The following FLVCR2 variants were observed in gnomAD, a reference collection of about 807,000 sequenced individuals.
FLVCR2 encodes the protein choline/ethanolamine transporter FLVCR2.
Under a neutral mutation model 48.9 loss-of-function variants are expected in FLVCR2, and 38 were observed. That is an observed-to-expected ratio of 0.78 (90% CI 0.60 to 1.02). The LOEUF is 1.02. FLVCR2 is among the 50% of genes least tolerant of loss of function. FLVCR2 has a pLI of 0.00. For missense variants in FLVCR2, 664 were observed against 663.3 expected (o/e 1.00, Z -0.01); for synonymous variants, 255 against 257.0 (o/e 0.99, Z 0.07).
At chr14:75,629,005 C>T (rs1406073585) in intron 3 of FLVCR2, among the ~76,000 whole-genome samples, 3 of 152,176 alleles carry the variant, frequency 2.0e-5, no homozygotes, top group Non-Finnish European at 2.9e-5. Flanking sequence ...AACTGTCCTG[C>T]AGCTGGTGGT....
chr14:75,606,380 G>A (rs1423059682), intron 1 of FLVCR2, among the ~76,000 whole-genome samples: 1 of 152,188 alleles, frequency 6.6e-6, no homozygotes, highest in Non-Finnish European at 1.5e-5. Context: ...TGGGCTAGTA[G>A]CTGCCTTTTG....
chr14:75,591,164 C>T (rs757603471), intron 1 of FLVCR2, among the ~76,000 whole-genome samples: 3 of 152,204 alleles, frequency 2.0e-5, no homozygotes, highest in Non-Finnish European at 4.4e-5. Flanking sequence ...CCACCTCAGC[C>T]TGCCAAGTAG....
chr14:75,643,502 G>T (rs927115876), intron 9 of FLVCR2, among the ~76,000 whole-genome samples: 5 of 152,170 alleles, frequency 3.3e-5, no homozygotes, highest in Non-Finnish European at 7.3e-5. Flanking sequence ...ATTTTCTAAG[G>T]CAAGAGATAT....
At chr14:75,589,388 G>C (rs1888830362) in intron 1 of FLVCR2, among the ~76,000 whole-genome samples, 1 of 152,204 alleles carries the variant, frequency 6.6e-6, no homozygotes, top group Non-Finnish European at 1.5e-5. Context: ...AAGTCTTAAA[G>C]CTGGAGAATA....
intron 5 of FLVCR2, among the ~76,000 whole-genome samples, chr14:75,635,322 T>TG (rs749413292): frequency 7.2e-5 from 11 of 151,856 alleles, no homozygotes; most frequent in Non-Finnish European, 1.6e-4. Flanking sequence ...TGAAAATGAA[T>TG]GGGGAAAAAA....
At chr14:75,615,808 A>G (rs1200268869) in intron 1 of FLVCR2, among the ~76,000 whole-genome samples, 1 of 150,872 alleles carries the variant, frequency 6.6e-6, no homozygotes, top group African/African-American at 2.4e-5. Context: ...TCACAAGGTC[A>G]GGAGATTGAG....
chr14:75,594,845 A>C (rs1294061032), intron 1 of FLVCR2, among the ~76,000 whole-genome samples: 1 of 152,072 alleles, frequency 6.6e-6, no homozygotes, highest in African/African-American at 2.4e-5. Flanking sequence ...CAGGCTCCAG[A>C]GTAGCTGGGA....
chr14:75,586,249 A>G (rs1888746320), intron 1 of FLVCR2, among the ~76,000 whole-genome samples: 1 of 151,540 alleles, frequency 6.6e-6, no homozygotes, highest in African/African-American at 2.5e-5. Flanking sequence ...TGTTTTGCAG[A>G]CAGTGGGTGG....
chr14:75,592,763 C>T (rs8019431), intron 1 of FLVCR2, among the ~76,000 whole-genome samples: 3,922 of 151,858 alleles, frequency 0.026, 177 homozygotes, highest in African/African-American at 0.09. Flanking sequence ...CCGAGGTGGG[C>T]GGATCACCTG....
chr14:75,600,764 C>T (rs1889144252), intron 1 of FLVCR2, among the ~76,000 whole-genome samples: 1 of 151,920 alleles, frequency 6.6e-6, no homozygotes, highest in African/African-American at 2.4e-5. Flanking sequence ...TCAAAGGATG[C>T]TATTAACAGA....
intron 1 of FLVCR2, among the ~76,000 whole-genome samples, chr14:75,621,522 A>T (rs895178289): frequency 6.6e-6 from 1 of 152,130 alleles, no homozygotes; most frequent in African/African-American, 2.4e-5. Context: ...TTATGCAGTT[A>T]TGTGTGACTT....
chr14:75,582,503 T>G (rs1053635617), intron 1 of FLVCR2, among the ~76,000 whole-genome samples: 62 of 151,924 alleles, frequency 4.1e-4, no homozygotes, highest in African/African-American at 1.5e-3. Context: ...GTTTGTGATT[T>G]TGAGGGCCTC....
intron 3 of FLVCR2, chr14:75,632,900 G>GTCA: frequency 1.4e-6 from 1 of 702,312 alleles, no homozygotes; most frequent in Non-Finnish European, 2.6e-6. Context: ...AGCCGCCATT[G>GTCA]TCATCATCAT....
chr14:75,579,779 G>T lies in FLVCR2; in HGVS notation c.669+138G>T, dbSNP rs1330155778. The T allele has an allele frequency of 8.4e-6, 8 of 956,800 alleles. No individual in the cohort carries two copies. In the Admixed American group the frequency reaches 1.6e-4, roughly 19 times the overall value. 59.3% of individuals were successfully genotyped at this position (956,800 alleles called of 1,614,324 possible). On this transcript the variant is annotated intron_variant, in intron 1 of 9. Coordinates refer to ENST00000238667, the MANE Select transcript of FLVCR2 (RefSeq NM_017791.3). Reference sequence around the variant, plus strand: ...TGACAGTAACTGGGTGTGACAGGCAGTGATTGTGATGCTGTAAGAGAGGCG... The same window carrying T: ...TGACAGTAACTGGGTGTGACAGGCATTGATTGTGATGCTGTAAGAGAGGCG...
rs967977730 is a variant in FLVCR2 at position 75,647,534 on chromosome 14, C to T, written c.*1062C>T. On this transcript the variant is annotated 3_prime_UTR_variant, in exon 10 of 10. Transcript: ENST00000238667. The stretch of plus-strand genomic sequence containing the variant: ...GAGCCTGTTAGAATTAAAAGCTTAT[C>T]TCACCTCTGCTGGGGACAGTATTTG... 6.6e-6 allele frequency: 1 copy of T among 152,644 alleles called. No individual in the cohort carries two copies. The highest frequency in any genetic ancestry group is 1.5e-5 in the Non-Finnish European group (1 of 68,056). The allele number at this position is 152,644 out of a possible 1,614,324, so 9.5% of individuals were successfully genotyped here. A position where few individuals can be genotyped will look rare whatever the true frequency, so the allele number is the denominator to read the frequency against.
At chr14:75,618,295 C>G (rs1391767555) in intron 1 of FLVCR2, among the ~76,000 whole-genome samples, 3 of 152,260 alleles carry the variant, frequency 2.0e-5, no homozygotes, top group South Asian at 4.1e-4. Context: ...TATGAAAATA[C>G]AGGTACCTAG....
chr14:75,641,365 C>T (rs1890305455), intron 8 of FLVCR2, 72 bp downstream of exon 8: 2 of 950,010 alleles, frequency 2.1e-6, no homozygotes, highest in Non-Finnish European at 3.5e-6. Context: ...GATGGAGCAA[C>T]AGATAGGGAG....
chr14:75,612,812 G>A (rs1294009415), intron 1 of FLVCR2, among the ~76,000 whole-genome samples: 1 of 152,140 alleles, frequency 6.6e-6, no homozygotes, highest in Non-Finnish European at 1.5e-5. Context: ...GCCAAACCTC[G>A]ACTACATGTC....
intron 5 of FLVCR2, among the ~76,000 whole-genome samples, chr14:75,636,868 G>A (rs1457723479): frequency 6.6e-6 from 1 of 152,230 alleles, no homozygotes; most frequent in African/African-American, 2.4e-5. Context: ...ACTGGTCAGT[G>A]GTTTAGGATG....
Sources: gnomAD v4.1 joint callset for allele counts (sites outside exome capture counted in the v4.1 genomes callset) on GRCh38, gnomAD v4.1.1 for gene constraint, MANE v1.5 for transcripts, NCBI Gene and HGNC (gene_info 2026-07-23, HGNC 2026-07-21) for gene names.